Variants in ST8SIA4 observed in about 807,000 individuals in gnomAD.
The protein encoded by ST8SIA4 is CMP-N-acetylneuraminate-poly-alpha-2,8-sialyltransferase.
A neutral mutation model predicts 33.9 loss-of-function variants in ST8SIA4; 15 were observed. The ratio of observed to expected loss-of-function variants is 0.44; its 90% CI spans 0.30 to 0.68. The LOEUF (loss-of-function observed/expected upper bound fraction) is 0.68. ST8SIA4 is among the 30% of genes least tolerant of loss of function. The pLI, the probability that ST8SIA4 is intolerant of heterozygous loss-of-function variation, is 0.10. For synonymous variants in ST8SIA4, 171 were observed against 151.2 expected (o/e 1.13, Z -0.96); for missense variants, 321 against 428.0 (o/e 0.75, Z 2.21).
chr5:100,810,798 T>A lies in ST8SIA4; in HGVS notation c.*1049A>T, dbSNP rs558284850. ...ACATCTTTCCTTTAGAATGGCCTAA[T>A]ATTACATAGTGGTTCACTTTAGCTG... On this transcript the variant is annotated 3_prime_UTR_variant, in exon 5 of 5. Coordinates refer to ENST00000231461, the MANE Select transcript of ST8SIA4 (RefSeq NM_005668.6). 1 of 152,712 alleles carries A rather than the reference T, an allele frequency of 6.5e-6. No individual in the cohort carries two copies. The highest frequency in any genetic ancestry group is 2.1e-4 in the South Asian group (1 of 4,818). 9.5% of individuals were successfully genotyped at this position (152,712 alleles called of 1,614,324 possible).
intron 3 of ST8SIA4, among the ~76,000 whole-genome samples, chr5:100,864,813 T>A (rs922860270): frequency 1.3e-5 from 2 of 152,168 alleles, no homozygotes; most frequent in African/African-American, 4.8e-5. Context: ...GAATACTATA[T>A]TTTCAAAATT....
intron 4 of ST8SIA4, among the ~76,000 whole-genome samples, chr5:100,852,589 G>A (rs905625075): frequency 6.6e-6 from 1 of 151,926 alleles, no homozygotes; most frequent in African/African-American, 2.4e-5. Flanking sequence ...TATCTGATTT[G>A]TCCCCATTAG....
At chr5:100,879,322 C>T (rs550919913) in intron 3 of ST8SIA4, among the ~76,000 whole-genome samples, 1 of 152,276 alleles carries the variant, frequency 6.6e-6, no homozygotes, top group Admixed American at 6.5e-5. Context: ...GGCTATTCAA[C>T]TCATTTCTAC....
chr5:100,897,742 A>G (rs561976139), intron 1 of ST8SIA4, among the ~76,000 whole-genome samples: 19 of 152,356 alleles, frequency 1.2e-4, no homozygotes, highest in African/African-American at 4.3e-4. Context: ...TGTGAAATTC[A>G]TAATTCTATA....
Position 100,807,712 on chromosome 5 carries a change from C to T in ST8SIA4, c.*4135G>A, listed in dbSNP as rs1266189748. On this transcript the variant is annotated 3_prime_UTR_variant, in exon 5 of 5. Coordinates refer to ENST00000231461, the MANE Select transcript of ST8SIA4 (RefSeq NM_005668.6). Reference sequence around the variant, plus strand: ...AAGAACTTCTTTATTCTAAAGTGGACTTACTTATCTCCAGGGGAGTTCACA... The same window carrying T: ...AAGAACTTCTTTATTCTAAAGTGGATTTACTTATCTCCAGGGGAGTTCACA... 6.6e-6 allele frequency: 1 copy of T among 152,484 alleles called. No individual in the cohort carries two copies. 9.4% of individuals were successfully genotyped at this position (152,484 alleles called of 1,614,324 possible).
intron 4 of ST8SIA4, among the ~76,000 whole-genome samples, chr5:100,837,083 C>G (rs1751379009): frequency 6.6e-6 from 1 of 151,722 alleles, no homozygotes; most frequent in Admixed American, 6.6e-5. Flanking sequence ...CTCTACTTTC[C>G]ACTTGCAAAA....
intron 4 of ST8SIA4, among the ~76,000 whole-genome samples, chr5:100,845,438 G>T (rs537689732): frequency 9.9e-5 from 15 of 151,468 alleles, no homozygotes; most frequent in Non-Finnish European, 2.1e-4. Flanking sequence ...CTCTGAATGC[G>T]TAATCGACCA....
At chr5:100,813,199 C>A (rs1750848753) in intron 4 of ST8SIA4, among the ~76,000 whole-genome samples, 1 of 151,920 alleles carries the variant, frequency 6.6e-6, no homozygotes, top group African/African-American at 2.4e-5. Context: ...AGATAAAATA[C>A]ATCTAGAGTA....
intron 2 of ST8SIA4, among the ~76,000 whole-genome samples, chr5:100,888,214 CAT>C (rs202191252): frequency 0.022 from 3,256 of 148,444 alleles, 39 homozygotes; most frequent in Admixed American, 0.027. Flanking sequence ...AAAAAAAAAA[CAT>C]ATATATATAT....
At chr5:100,817,273 T>C (rs547099879) in intron 4 of ST8SIA4, among the ~76,000 whole-genome samples, 6 of 151,994 alleles carry the variant, frequency 3.9e-5, no homozygotes, top group Admixed American at 3.9e-4. Context: ...AGCCAGATAA[T>C]TGGCTTTCTA....
At chr5:100,876,950 G>A (rs1048557768) in intron 3 of ST8SIA4, among the ~76,000 whole-genome samples, 2 of 151,782 alleles carry the variant, frequency 1.3e-5, no homozygotes, top group African/African-American at 2.4e-5. Flanking sequence ...ATTATTTAAC[G>A]TAATTGATTA....
intron 3 of ST8SIA4, among the ~76,000 whole-genome samples, chr5:100,869,266 C>T (rs1447438292): frequency 6.6e-6 from 1 of 152,042 alleles, no homozygotes; most frequent in African/African-American, 2.4e-5. Flanking sequence ...CATTTTTAAC[C>T]TATGTCTTAT....
At chr5:100,900,892 A>T (rs1752894733) in intron 1 of ST8SIA4, among the ~76,000 whole-genome samples, 1 of 152,168 alleles carries the variant, frequency 6.6e-6, no homozygotes. Context: ...AGCAGGGGAT[A>T]ACCCCGGTGC....
At chr5:100,852,893 T>C (rs1403466071) in intron 4 of ST8SIA4, among the ~76,000 whole-genome samples, 1 of 152,230 alleles carries the variant, frequency 6.6e-6, no homozygotes, top group Non-Finnish European at 1.5e-5. Flanking sequence ...TGTTCAGGAA[T>C]CTTGTTTTAC....
intron 4 of ST8SIA4, among the ~76,000 whole-genome samples, chr5:100,838,092 T>C (rs112277495): frequency 5.9e-4 from 89 of 152,128 alleles, no homozygotes; most frequent in African/African-American, 2.1e-3. Context: ...TCAGGCTTGT[T>C]ATCAGGATGT....
At chr5:100,816,597 T>G (rs1204786709) in intron 4 of ST8SIA4, 1 of 502,666 alleles carries the variant, frequency 2.0e-6, no homozygotes, top group East Asian at 5.8e-5. Flanking sequence ...AATGTTATTC[T>G]TCTTCCAAAA....
chr5:100,856,441 A>G (rs761208410), intron 3 of ST8SIA4, 45 bp from the exon 4 acceptor site: 132 of 1,526,512 alleles, frequency 8.6e-5, no homozygotes, highest in Non-Finnish European at 6.0e-5. Flanking sequence ...AAAAAGAAAT[A>G]TTCACTGGTA....
intron 3 of ST8SIA4, among the ~76,000 whole-genome samples, chr5:100,859,606 G>A (rs1393016689): frequency 6.6e-6 from 1 of 152,052 alleles, no homozygotes; most frequent in African/African-American, 2.4e-5. Context: ...TAACTCCACT[G>A]TATTCTAAGC....
intron 1 of ST8SIA4, among the ~76,000 whole-genome samples, chr5:100,897,135 C>A (rs1031713176): frequency 2.6e-5 from 4 of 151,982 alleles, no homozygotes; most frequent in Admixed American, 2.0e-4. Context: ...GGTGGAGAGA[C>A]AGAGATTATA....
Sources: gnomAD v4.1 joint callset for allele counts (sites outside exome capture counted in the v4.1 genomes callset) on GRCh38, gnomAD v4.1.1 for gene constraint, MANE v1.5 for transcripts, NCBI Gene and HGNC (gene_info 2026-07-23, HGNC 2026-07-21) for gene names.